Variants in CRADD observed in about 807,000 individuals in gnomAD.
The protein encoded by CRADD is CARD and death domain containing adaptor protein.
Under a neutral mutation model 15.5 loss-of-function variants are expected in CRADD, and 9 were observed. That is an observed-to-expected ratio of 0.58 (90% CI 0.35 to 1.01). CRADD has a LOEUF of 1.01. CRADD is among the 50% of genes least tolerant of loss of function. The pLI, the probability that CRADD is intolerant of heterozygous loss-of-function variation, is 0.02. For missense variants in CRADD, 227 were observed against 250.3 expected, an observed-to-expected ratio of 0.91 and a Z score of 0.63; for synonymous variants, 118 against 107.6, an observed-to-expected ratio of 1.10 and a Z score of -0.60.
Position 93,679,224 on chromosome 12 carries a change from C to T in CRADD, c.298+152C>T, listed in dbSNP as rs1219740329. 4 of 635,312 alleles carry T rather than the reference C, an allele frequency of 6.3e-6. No homozygotes were observed. The East Asian group carries it at 1.1e-4, about 18-fold the overall frequency. 39.4% of individuals were successfully genotyped at this position (635,312 alleles called of 1,614,324 possible). A position where few individuals can be genotyped will look rare whatever the true frequency, so the allele number is the denominator to read the frequency against. On this transcript the variant is annotated intron_variant, in intron 2 of 2. Transcript: ENST00000332896. ...TGGTGTGATCTCGGCTCACTGCAAC[C>T]TCTGCTTCCTGGGTTCAAGCAATTC...
intron 2 of CRADD, among the ~76,000 whole-genome samples, chr12:93,686,361 A>G (rs1335667914): frequency 5.9e-5 from 9 of 151,506 alleles, no homozygotes; most frequent in African/African-American, 1.9e-4. Context: ...GATGTGGCCA[A>G]AAGTTGCTTT....
rs185906558 is a variant in CRADD at position 93,723,030 on chromosome 12, T to C, written c.298+43958T>C. ...GAAAAATTTTGGCATAGGAAAGTTA[T>C]GGCAGTGAAAGAAATCTAACCTAAC... On this transcript the variant is annotated intron_variant, in intron 2 of 2. Coordinates refer to ENST00000332896, the MANE Select transcript of CRADD (RefSeq NM_003805.5). Among the ~76,000 whole-genome samples, 130 of 152,336 alleles carry C rather than the reference T, an allele frequency of 8.5e-4. 1 individual carries two copies. Among genetic ancestry groups the C allele is most frequent in the African/African-American group, 2.6e-3 (110 of 41,578 alleles).
intron 2 of CRADD, among the ~76,000 whole-genome samples, chr12:93,706,162 A>G (rs1955947268): frequency 6.6e-6 from 1 of 152,202 alleles, no homozygotes; most frequent in South Asian, 2.1e-4. Context: ...TTTGAAGCAA[A>G]TATGTACTTT....
chr12:93,849,357 G>A (rs1482047752), intron 2 of CRADD: 1 of 152,440 alleles, frequency 6.6e-6, no homozygotes, highest in Non-Finnish European at 1.5e-5. Context: ...CCCTTCATGT[G>A]TGTTTTATAT....
intron 2 of CRADD, among the ~76,000 whole-genome samples, chr12:93,893,500 A>T (rs1032750592): frequency 4.0e-5 from 6 of 151,772 alleles, no homozygotes; most frequent in African/African-American, 1.5e-4. Flanking sequence ...AAGTCAGAAG[A>T]AAAAAAATAA....
rs146455808 is a variant in CRADD at position 93,810,286 on chromosome 12, C to T, written c.299-39684C>T. 5.5e-3 allele frequency among the ~76,000 whole-genome samples: 837 copies of T among 152,120 alleles called. 6 individuals carry two copies. The highest frequency in any genetic ancestry group is 0.02 in the Middle Eastern group (6 of 294). ...AATTTCGGCTGGGCACGGTGGCTCA[C>T]GCCTGTAATCCCAGCACTTTGGGAG... On this transcript the variant is annotated intron_variant, in intron 2 of 2. Coordinates refer to ENST00000332896, the MANE Select transcript of CRADD (RefSeq NM_003805.5).
chr12:93,700,186 C>T lies in CRADD; in HGVS notation c.298+21114C>T, dbSNP rs114349584. Among the ~76,000 whole-genome samples the T allele has an allele frequency of 3.8e-3, 584 of 152,308 alleles. 1 individual carries two copies. The highest frequency in any genetic ancestry group is 0.013 in the African/African-American group (548 of 41,568). On this transcript the variant is annotated intron_variant, in intron 2 of 2. Transcript: ENST00000332896. ...TTTTTCTCACTAAATCTAGGTCCTG[C>T]TCCTGCCCTCAGTATTTCCGTCAAT... is the stretch of plus-strand genomic sequence containing the variant.
intron 2 of CRADD, among the ~76,000 whole-genome samples, chr12:93,795,110 A>G (rs1454806078): frequency 3.9e-5 from 6 of 152,188 alleles, no homozygotes; most frequent in South Asian, 4.1e-4. Flanking sequence ...GCCCCTACCT[A>G]TAAAGTCCAG....
chr12:93,884,718 C>T (rs898038405), intron 2 of CRADD, among the ~76,000 whole-genome samples: 1 of 152,156 alleles, frequency 6.6e-6, no homozygotes, highest in African/African-American at 2.4e-5. Flanking sequence ...CTTCTATGTG[C>T]CCGTGAGCCT....
In CRADD at chr12:93,856,106, C is replaced by G. The variant is rs181322540; in HGVS notation, c.299-37944C>G. On this transcript the variant is annotated intron_variant, in intron 2 of 2. Coordinates refer to the CRADD transcript ENST00000548483. ...CAGGCGTGAGCCACTGCGCCCGGCC[C>G]AGTTTTTCTAATCTTCTTCACCCTC... 4.5e-4 allele frequency among the ~76,000 whole-genome samples: 68 copies of G among 152,348 alleles called. No homozygotes were observed. In the East Asian group the frequency reaches 0.01, roughly 23 times the overall value.
Position 93,705,283 on chromosome 12 carries a change from G to A in CRADD, c.298+26211G>A, listed in dbSNP as rs1355985691. On this transcript the variant is annotated intron_variant, in intron 2 of 2. Coordinates refer to ENST00000332896, the MANE Select transcript of CRADD (RefSeq NM_003805.5). ...AAAAAATTACTTAATTAAATGAAAT[G>A]TTTAAAATTAATTTTTTGGGATTCT... Among the ~76,000 whole-genome samples, 4 of 152,194 alleles carry A rather than the reference G, an allele frequency of 2.6e-5. No individual in the cohort carries two copies. The South Asian group carries it at 6.2e-4, about 24-fold the overall frequency.
chr12:93,738,514 A>G (rs12315543), intron 2 of CRADD: 31,643 of 700,198 alleles, frequency 0.045, 2,714 homozygotes, highest in African/African-American at 0.24. Context: ...AACACTGACC[A>G]AAGCAAATCC....
At chr12:93,865,732 G>A (rs1051848070) in intron 2 of CRADD, among the ~76,000 whole-genome samples, 10 of 152,060 alleles carry the variant, frequency 6.6e-5, no homozygotes, top group African/African-American at 2.4e-4. Context: ...TCTTCTCTAG[G>A]TTACTTACAG....
exon 3 of CRADD, chr12:93,894,174 C>T: frequency 1.7e-5 from 12 of 700,868 alleles, no homozygotes; most frequent in South Asian, 1.2e-4. Flanking sequence ...TCCTCTACAC[C>T]AGTGGTTCTC....
At chr12:93,888,424 CAAA>C (rs36015332) in intron 2 of CRADD, among the ~76,000 whole-genome samples, 3 of 113,172 alleles carry the variant, frequency 2.7e-5, no homozygotes, top group Non-Finnish European at 1.8e-5. Flanking sequence ...GACTCCGTCT[CAAA>C]AAAAAAAAAA....
intron 2 of CRADD, among the ~76,000 whole-genome samples, chr12:93,682,661 G>A (rs1592875686): frequency 6.6e-6 from 1 of 152,032 alleles, no homozygotes; most frequent in East Asian, 1.9e-4. Flanking sequence ...TTATGTGCTG[G>A]ATGTAATTTG....
At chr12:93,844,012 G>A (rs1007118049) in intron 2 of CRADD, among the ~76,000 whole-genome samples, 2 of 152,098 alleles carry the variant, frequency 1.3e-5, no homozygotes, top group Admixed American at 6.5e-5. Context: ...ATGAGCCACC[G>A]CACCTGGCCC....
In CRADD at chr12:93,738,452, G is replaced by GA; in HGVS notation, c.298+59382dup. The stretch of plus-strand genomic sequence containing the variant: ...GAATTGAGCCTGCCCACTCTGTTAT[G>GA]AAGTCTACCCAGAAGAGCTGGCAGA... On this transcript the variant is annotated intron_variant, in intron 2 of 2. Transcript: ENST00000332896. The GA allele has an allele frequency of 4.3e-6, 3 of 702,320 alleles. No individual in the cohort carries two copies. In the South Asian group the frequency reaches 4.4e-5, roughly 10 times the overall value. The allele number at this position is 702,320 out of a possible 1,614,324, so 43.5% of individuals were successfully genotyped here. A position where few individuals can be genotyped will look rare whatever the true frequency, so the allele number is the denominator to read the frequency against.
chr12:93,835,840 A>C (rs1957966964), intron 2 of CRADD, among the ~76,000 whole-genome samples: 1 of 151,884 alleles, frequency 6.6e-6, no homozygotes, highest in Non-Finnish European at 1.5e-5. Context: ...TCCATCTTGC[A>C]TATGTTTGGG....
Sources: allele counts gnomAD v4.1 joint callset (sites outside exome capture counted in the v4.1 genomes callset), GRCh38; gene constraint gnomAD v4.1.1; transcripts MANE v1.5; gene names NCBI Gene and HGNC (gene_info 2026-07-23, HGNC 2026-07-21).